ABCG8: variants seen among roughly 807,000 people sequenced by gnomAD.
The protein encoded by ABCG8 is ATP-binding cassette sub-family G member 8.
In ABCG8, 81 loss-of-function variants were observed where a neutral mutation model predicts 71.3. The observed-to-expected ratio is 1.14, with a 90% CI of 0.95 to 1.37. ABCG8 has a LOEUF of 1.37. ABCG8 is among the 40% of genes most tolerant of loss of function. The pLI is 0.00. For missense variants in ABCG8, 1,119 were observed against 866.2 expected, an observed-to-expected ratio of 1.29 and a Z score of -3.66; for synonymous variants, 451 against 354.7, an observed-to-expected ratio of 1.27 and a Z score of -3.05.
intron 6 of ABCG8, among the ~76,000 whole-genome samples, chr2:43,860,029 A>G (rs1257160133): frequency 7.4e-6 from 1 of 135,060 alleles, no homozygotes; most frequent in Admixed American, 7.1e-5. Context: ...GGATAGAATT[A>G]TCATCCTCTG....
intron 6 of ABCG8, among the ~76,000 whole-genome samples, chr2:43,854,381 A>G (rs936989596): frequency 1.3e-5 from 2 of 152,172 alleles, no homozygotes; most frequent in African/African-American, 4.8e-5. Context: ...TAATCCCAGC[A>G]CTTTCAGAGG....
At chr2:43,876,215 G>T (rs1172057448) in intron 11 of ABCG8, among the ~76,000 whole-genome samples, 3 of 152,218 alleles carry the variant, frequency 2.0e-5, no homozygotes, top group African/African-American at 7.2e-5. Flanking sequence ...ATGTGTGGGT[G>T]ACCCCGTGGC....
rs752427168 is a variant in ABCG8 at position 43,852,723 on chromosome 2, C to T, written c.819C>T (p.Arg273=). ...RLVLISLHQP[R]SDIFRLFDLV... ...TGCTCATCTCCCTCCACCAGCCTCG[C>T]TCTGACATCTTCAGGCTGTTTGATC... Residue 273 remains arginine, a synonymous_variant, in exon 6 of 13, where the codon CGC becomes CGT. Coordinates refer to ENST00000272286, the MANE Select transcript of ABCG8 (RefSeq NM_022437.3). 4 of 1,614,216 alleles carry T rather than the reference C, an allele frequency of 2.5e-6. No individual in the cohort carries two copies. Among genetic ancestry groups the T allele is most frequent in the Non-Finnish European group, 3.4e-6 (4 of 1,180,028 alleles).
chr2:43,852,762 G>A lies in ABCG8; in HGVS notation c.858G>A (p.Met286Ile). The A allele has an allele frequency of 6.2e-7, 1 of 1,614,142 alleles. No homozygotes were observed. The highest frequency in any genetic ancestry group is 8.5e-7 in the Non-Finnish European group (1 of 1,180,030). Residue 286 changes from methionine to isoleucine, a missense_variant, in exon 6 of 13, where the codon ATG becomes ATA. By Grantham distance (10) the Met-to-Ile change is conservative. Transcript: ENST00000272286. ...GGCTGTTTGATCTGGTCCTCCTGAT[G>A]ACGTCTGGCACCCCCATCTACTTAG... Reference protein sequence around the residue: ...IFRLFDLVLLMTSGTPIYLGA... With the variant: ...IFRLFDLVLLITSGTPIYLGA...
intron 11 of ABCG8, 88 bp from the exon 12 acceptor site, chr2:43,877,473 T>A (rs1021585205): frequency 1.2e-6 from 1 of 863,464 alleles, no homozygotes. Flanking sequence ...ATGGGGAGAC[T>A]CTGTGAATAT....
chr2:43,844,520 G>A lies in ABCG8; in HGVS notation c.77G>A (p.Arg26Lys). The A allele has an allele frequency of 6.2e-7, 1 of 1,614,126 alleles. No homozygotes were observed. Among genetic ancestry groups the A allele is most frequent in the Non-Finnish European group, 8.5e-7 (1 of 1,179,984 alleles). The change falls in exon 2 of 13, where the codon AGA (arginine) becomes AAA (lysine). Residue 26 changes from arginine to lysine, a missense_variant. Physicochemically the swap from Arg to Lys is conservative, Grantham distance 26 (BLOSUM62 2). Coordinates refer to ENST00000272286, the MANE Select transcript of ABCG8 (RefSeq NM_022437.3). ...TGTCTCCCACAGGGCCTCCAGGATA[G>A]ATTGTTCTCCTCTGAAAGTGACAAC... ...TPQDTSGLQD[R>K]LFSSESDNSL...
chr2:43,853,147 G>T (rs1668985980), intron 6 of ABCG8, among the ~76,000 whole-genome samples: 1 of 152,182 alleles, frequency 6.6e-6, no homozygotes, highest in Non-Finnish European at 1.5e-5. Context: ...ATTCAAGAGG[G>T]TGGGGATCAA....
rs569107570 is a variant in ABCG8, at chr2:43,854,325, T to C, written c.964+1457T>C. 1.6e-4 allele frequency among the ~76,000 whole-genome samples: 25 copies of C among 152,008 alleles called. No homozygotes were observed. The East Asian group carries it at 4.6e-3, about 28-fold the overall frequency. Reference sequence around the variant, plus strand: ...CTAGACATTATCTTGTCTTGAGATGTGTTATGAAAATGGGAGGAAGGGCCG... The same window carrying C: ...CTAGACATTATCTTGTCTTGAGATGCGTTATGAAAATGGGAGGAAGGGCCG... On this transcript the variant is annotated intron_variant, in intron 6 of 12. Coordinates refer to ENST00000272286, the MANE Select transcript of ABCG8 (RefSeq NM_022437.3).
intron 3 of ABCG8, chr2:43,848,406 T>C (rs983762810): frequency 1.3e-5 from 2 of 152,202 alleles, no homozygotes; most frequent in African/African-American, 4.8e-5. Flanking sequence ...TAGCCTGTGA[T>C]TGGCTGATGC....
chr2:43,866,225 CT>C (rs1272929423), intron 6 of ABCG8, among the ~76,000 whole-genome samples: 7 of 151,580 alleles, frequency 4.6e-5, no homozygotes, highest in African/African-American at 1.7e-4. Context: ...AACATTAGAC[CT>C]AAAACCATAA....
chr2:43,839,687 G>A (rs746356636), intron 1 of ABCG8, among the ~76,000 whole-genome samples: 1 of 152,062 alleles, frequency 6.6e-6, no homozygotes, highest in Non-Finnish European at 1.5e-5. Flanking sequence ...CTCCCAAAGT[G>A]CTGGGATTAC....
At chr2:43,848,461 GTC>G (rs1245543504) in intron 3 of ABCG8, 1 of 152,186 alleles carries the variant, frequency 6.6e-6, no homozygotes, top group African/African-American at 2.4e-5. Flanking sequence ...GTCTCAGCCA[GTC>G]TCTGTCTTAA....
intron 6 of ABCG8, among the ~76,000 whole-genome samples, chr2:43,870,911 A>T (rs750021393): frequency 2.0e-5 from 3 of 149,830 alleles, no homozygotes; most frequent in African/African-American, 4.9e-5. Flanking sequence ...TAGAACTCTA[A>T]CTCTCTGGAT....
At chr2:43,843,969 G>A (rs764882978) in intron 1 of ABCG8, among the ~76,000 whole-genome samples, 3 of 152,128 alleles carry the variant, frequency 2.0e-5, no homozygotes, top group African/African-American at 4.8e-5. Context: ...ATGTTAGTGA[G>A]GACTAAGATG....
chr2:43,843,513 C>G (rs1668644836), intron 1 of ABCG8, among the ~76,000 whole-genome samples: 1 of 152,042 alleles, frequency 6.6e-6, no homozygotes, highest in Non-Finnish European at 1.5e-5. Context: ...AACCCTGTCT[C>G]TACAAAAAAT....
intron 2 of ABCG8, among the ~76,000 whole-genome samples, chr2:43,845,150 G>A (rs1222935570): frequency 6.7e-6 from 1 of 148,718 alleles, no homozygotes; most frequent in African/African-American, 2.5e-5. Flanking sequence ...TACTATCCCT[G>A]GAGCTTATAA....
At chr2:43,852,258 A>C in intron 4 of ABCG8, 96 bp from the exon 5 acceptor site, 6 of 1,569,986 alleles carry the variant, frequency 3.8e-6, no homozygotes, top group Non-Finnish European at 5.2e-6. Flanking sequence ...TTTCAAACCC[A>C]GCCGGAGGAG....
At chr2:43,867,708 T>C (rs538211444) in intron 6 of ABCG8, among the ~76,000 whole-genome samples, 2 of 150,870 alleles carry the variant, frequency 1.3e-5, no homozygotes, top group East Asian at 3.9e-4. Flanking sequence ...ACTCTGTGGA[T>C]AGAACTCTCC....
At chr2:43,846,069 C>T (rs1668732942) in intron 2 of ABCG8, 86 bp from the exon 3 acceptor site, 2 of 1,482,868 alleles carry the variant, frequency 1.3e-6, no homozygotes, top group Non-Finnish European at 1.9e-6. Context: ...GAGGGGCCAC[C>T]TGGGGAACGA....
Sources: allele counts gnomAD v4.1 joint callset (sites outside exome capture counted in the v4.1 genomes callset), GRCh38; gene constraint gnomAD v4.1.1; transcripts MANE v1.5; gene names NCBI Gene and HGNC (gene_info 2026-07-23, HGNC 2026-07-21).